MYO5B: variants seen among roughly 807,000 people sequenced by gnomAD.
MYO5B encodes myosin VB, also known as unconventional myosin-Vb.
A neutral mutation model predicts 229.3 loss-of-function variants in MYO5B; 143 were observed. That is an observed-to-expected ratio of 0.62 (90% CI 0.54 to 0.72). The LOEUF is 0.72. Among genes scored for constraint, MYO5B ranks in the 30% least tolerant of loss-of-function variants. MYO5B has a pLI of 0.00. For synonymous variants in MYO5B, 918 were observed against 885.2 expected, an observed-to-expected ratio of 1.04 and a Z score of -0.66; for missense variants, 2,321 against 2,331.0, an observed-to-expected ratio of 1.00 and a Z score of 0.09.
chr18:49,846,962 G>A (rs1024976059), intron 33 of MYO5B, among the ~76,000 whole-genome samples, 184 bp downstream of exon 33: 2 of 151,434 alleles, frequency 1.3e-5, no homozygotes, highest in Non-Finnish European at 2.9e-5. Flanking sequence ...GCAGGAGCTG[G>A]GGGGAGGATG....
At position 49,980,629 on chromosome 18, in the gene MYO5B, CA is replaced by C. The variant is rs1040832366; in HGVS notation, c.947-77del. 4 of 1,083,094 alleles carry C rather than the reference CA, an allele frequency of 3.7e-6. No individual in the cohort carries two copies. In the African/African-American group the frequency reaches 4.8e-5, roughly 13 times the overall value. The allele number at this position is 1,083,094 out of a possible 1,614,324, so 67.1% of individuals were successfully genotyped here. Reference sequence around the variant, plus strand: ...AAGGACATTTTACCCCTTTTAAGGACATTTTTTTTTTTAATAAGGTTTGATT... The same window carrying C: ...AAGGACATTTTACCCCTTTTAAGGACTTTTTTTTTTTAATAAGGTTTGATT... On this transcript the variant is annotated intron_variant, in intron 8 of 39. Transcript: ENST00000285039.
At chr18:49,868,585 T>C (rs1245664646) in intron 27 of MYO5B, among the ~76,000 whole-genome samples, 3 of 152,230 alleles carry the variant, frequency 2.0e-5, no homozygotes, top group Admixed American at 6.5e-5. Flanking sequence ...CCAGCCAGCT[T>C]CCAGGTCAGC....
At chr18:49,867,758 C>T (rs1485556942) in intron 27 of MYO5B, among the ~76,000 whole-genome samples, 2 of 121,250 alleles carry the variant, frequency 1.6e-5, no homozygotes, top group African/African-American at 5.8e-5. Context: ...TACCACCATT[C>T]TATAACTCTG....
rs1279620656 is a variant in MYO5B, at chr18:49,863,326, T to C, written c.3845A>G (p.Glu1282Gly). The C allele has an allele frequency of 6.2e-7, 1 of 1,613,526 alleles. No individual in the cohort carries two copies. The highest frequency in any genetic ancestry group is 2.2e-5 in the East Asian group (1 of 44,872). Residue 1282 changes from glutamate to glycine, a missense_variant and splice_region_variant, in exon 29 of 40, where the codon GAG becomes GGG. Physicochemically the swap from Glu to Gly is moderately conservative, Grantham distance 98 (BLOSUM62 -2). Coordinates refer to ENST00000285039, the MANE Select transcript of MYO5B (RefSeq NM_001080467.3). ...ACTTGATCTGGCATTAATGTTCGGC[T>C]CCTAGAAAGCCCCAGATAAAAAAAT... ...DQRRLAGRNA[E>G]PNINARSSWP...
intron 32 of MYO5B, among the ~76,000 whole-genome samples, chr18:49,848,566 T>TAAGGCAAAGGCA (rs74176746): frequency 4.0e-5 from 6 of 150,972 alleles, no homozygotes; most frequent in Non-Finnish European, 5.9e-5. Flanking sequence ...CTGCAGGCAA[T>TAAGGCAAAGGCA]AAGGCAAAGG....
At chr18:50,007,668 G>C (rs2026117691) in intron 4 of MYO5B, among the ~76,000 whole-genome samples, 1 of 152,208 alleles carries the variant, frequency 6.6e-6, no homozygotes, top group South Asian at 2.1e-4. Context: ...CCACGTTGCA[G>C]TGGCCTGAAG....
intron 4 of MYO5B, among the ~76,000 whole-genome samples, chr18:50,026,671 G>C (rs2026334671): frequency 1.3e-5 from 2 of 152,116 alleles, no homozygotes; most frequent in African/African-American, 4.8e-5. Context: ...CCTTCTTTTG[G>C]ATACTGTGAC....
intron 1 of MYO5B, among the ~76,000 whole-genome samples, chr18:50,118,607 A>G (rs1381421039): frequency 6.7e-6 from 1 of 149,458 alleles, no homozygotes; most frequent in African/African-American, 2.5e-5. Context: ...ATATGTATAC[A>G]TGTGCCATGT....
intron 1 of MYO5B, among the ~76,000 whole-genome samples, chr18:50,143,142 CTG>C (rs1433666003): frequency 2.0e-5 from 3 of 152,182 alleles, no homozygotes; most frequent in African/African-American, 7.2e-5. Context: ...ATCAAAGTAA[CTG>C]TATCTAACCC....
chr18:50,186,102 T>C (rs1376574149), intron 1 of MYO5B, among the ~76,000 whole-genome samples: 4 of 152,216 alleles, frequency 2.6e-5, no homozygotes, highest in African/African-American at 7.2e-5. Context: ...ATAACCAATA[T>C]AAGAAGTATG....
At chr18:49,844,729 G>A (rs2024103742) in intron 33 of MYO5B, among the ~76,000 whole-genome samples, 1 of 152,258 alleles carries the variant, frequency 6.6e-6, no homozygotes, top group African/African-American at 2.4e-5. Context: ...AATGTATTTT[G>A]TAGGCCCAGA....
intron 1 of MYO5B, among the ~76,000 whole-genome samples, chr18:50,091,916 C>A (rs934806840): frequency 6.6e-6 from 1 of 152,138 alleles, no homozygotes; most frequent in Non-Finnish European, 1.5e-5. Flanking sequence ...TGCACTGGGA[C>A]CATCCTCAAA....
intron 9 of MYO5B, among the ~76,000 whole-genome samples, chr18:49,977,811 T>A (rs1168899375): frequency 6.6e-6 from 1 of 152,220 alleles, no homozygotes; most frequent in African/African-American, 2.4e-5. Flanking sequence ...ACAAAGACTC[T>A]CTCAACCACG....
intron 18 of MYO5B, among the ~76,000 whole-genome samples, chr18:49,907,801 CGGCCTGGGCCA>C (rs2024915776): frequency 6.6e-6 from 1 of 152,258 alleles, no homozygotes; most frequent in Admixed American, 6.5e-5. Flanking sequence ...ACTGAGTCCC[CGGCCTGGGCCA>C]GGCTGCTCGT....
At chr18:50,009,073 T>C (rs2026133788) in intron 4 of MYO5B, among the ~76,000 whole-genome samples, 1 of 152,212 alleles carries the variant, frequency 6.6e-6, no homozygotes. Context: ...CAATGGTGAC[T>C]TAAAATGATA....
intron 14 of MYO5B, among the ~76,000 whole-genome samples, chr18:49,940,768 A>T (rs1360872821): frequency 6.6e-6 from 1 of 152,216 alleles, no homozygotes; most frequent in East Asian, 1.9e-4. Context: ...CTTAAGCCTC[A>T]CCTTATGCAG....
At chr18:50,074,399 T>G (rs2031030054) in intron 1 of MYO5B, among the ~76,000 whole-genome samples, 1 of 152,176 alleles carries the variant, frequency 6.6e-6, no homozygotes, top group African/African-American at 2.4e-5. Flanking sequence ...AGAGCATCAT[T>G]TTGAAAGGGC....
At chr18:49,895,261 T>C in intron 21 of MYO5B, 87 bp from the exon 22 acceptor site, 2 of 1,132,424 alleles carry the variant, frequency 1.8e-6, no homozygotes, top group South Asian at 1.3e-5. Flanking sequence ...ATGAAGGCAA[T>C]CAAAAAAGGA....
rs1453988372 is a variant in MYO5B, at chr18:50,148,678, G to A, written c.27+46089C>T. Among the ~76,000 whole-genome samples the A allele has an allele frequency of 6.6e-5, 10 of 151,808 alleles. No homozygotes were observed. In the South Asian group the frequency reaches 8.3e-4, roughly 13 times the overall value. ...TCAATAAATTAGGTATTGATGGGAC[G>A]TATCTCAAAATAATAAGAGCTATCT... On this transcript the variant is annotated intron_variant, in intron 1 of 39. Transcript: ENST00000285039.
Sources: gnomAD v4.1 joint callset for allele counts (sites outside exome capture counted in the v4.1 genomes callset) on GRCh38, gnomAD v4.1.1 for gene constraint, MANE v1.5 for transcripts, NCBI Gene and HGNC (gene_info 2026-07-23, HGNC 2026-07-21) for gene names.